MICAL3: variants seen among roughly 807,000 people sequenced by gnomAD.
The protein encoded by MICAL3 is [F-actin]-monooxygenase MICAL3.
A neutral mutation model predicts 207.4 loss-of-function variants in MICAL3; 62 were observed. The observed-to-expected ratio is 0.30, with a 90% CI of 0.24 to 0.37. The LOEUF (loss-of-function observed/expected upper bound fraction) is 0.37. Among genes scored for constraint, MICAL3 ranks in the 10% least tolerant of loss-of-function variants. The pLI is 1.00. For missense variants in MICAL3, 2,368 were observed against 2,635.6 expected (o/e 0.90, Z 2.22); for synonymous variants, 1,077 against 1,069.3 (o/e 1.01, Z -0.14).
At chr22:17,860,064 TG>T in intron 19 of MICAL3, 1 of 471,546 alleles carries the variant, frequency 2.1e-6, no homozygotes, top group East Asian at 1.5e-4. Flanking sequence ...TGAGCCACAG[TG>T]GCCTCAAGCT....
intron 1 of MICAL3, among the ~76,000 whole-genome samples, chr22:17,942,335 A>G (rs1329258887): frequency 6.6e-6 from 1 of 152,086 alleles, no homozygotes; most frequent in East Asian, 1.9e-4. Flanking sequence ...AGGTAAATGG[A>G]GCCCAGCCCC....
chr22:17,820,307 A>G (rs1270712126), intron 25 of MICAL3, among the ~76,000 whole-genome samples: 1 of 152,114 alleles, frequency 6.6e-6, no homozygotes, highest in Non-Finnish European at 1.5e-5. Flanking sequence ...TTGGCTTTGC[A>G]GCATTCTCCA....
At chr22:17,920,874 G>A (rs1009701404) in intron 1 of MICAL3, among the ~76,000 whole-genome samples, 3 of 152,032 alleles carry the variant, frequency 2.0e-5, no homozygotes, top group Admixed American at 6.5e-5. Flanking sequence ...TGGAAGCCCC[G>A]AGATTCCCAG....
chr22:17,805,020 C>T (rs767019433), intron 29 of MICAL3, among the ~76,000 whole-genome samples: 19 of 152,290 alleles, frequency 1.2e-4, no homozygotes, highest in Middle Eastern at 6.8e-3. Context: ...AAACGGAGAA[C>T]GGGATGGCAG....
intron 16 of MICAL3, among the ~76,000 whole-genome samples, chr22:17,872,518 T>G (rs998469060): frequency 1.3e-5 from 2 of 152,042 alleles, no homozygotes; most frequent in African/African-American, 2.4e-5. Context: ...GGTAGCTGTA[T>G]CTGTATCTAT....
chr22:17,841,521 T>C lies in MICAL3; in HGVS notation c.2801+301A>G, dbSNP rs1012652340. ...TGTGCCCGTCCTTCCCTCTGCTGAA[T>C]CTGTGAATAACCCGGGGGCAGAGCC... On this transcript the variant is annotated intron_variant, in intron 20 of 31. Transcript: ENST00000441493. This position sits in a 1 kb window ranked among gnomAD's most constrained non-coding sequence, Gnocchi z 4.2. 5.6e-6 allele frequency: 3 copies of C among 537,874 alleles called. No homozygotes were observed. The African/African-American group carries it at 5.6e-5, about 10-fold the overall frequency. The allele number at this position is 537,874 out of a possible 1,614,324, so 33.3% of individuals were successfully genotyped here. A position where few individuals can be genotyped will look rare whatever the true frequency, so the allele number is the denominator to read the frequency against.
At chr22:17,868,770 C>T (rs1487712176) in intron 17 of MICAL3, among the ~76,000 whole-genome samples, 1 of 152,126 alleles carries the variant, frequency 6.6e-6, no homozygotes, top group African/African-American at 2.4e-5. Context: ...TTCATTCATT[C>T]ATTCACCCAG....
chr22:17,979,742 C>A (rs1935820048), intron 1 of MICAL3, among the ~76,000 whole-genome samples: 1 of 151,518 alleles, frequency 6.6e-6, no homozygotes, highest in Non-Finnish European at 1.5e-5. Flanking sequence ...CTCTTCTCAA[C>A]TGGAGTGCTG....
At chr22:17,872,956 G>A (rs1165659615) in intron 16 of MICAL3, 14 of 789,164 alleles carry the variant, frequency 1.8e-5, no homozygotes, top group Non-Finnish European at 2.8e-5. Context: ...TCTTTGGGAA[G>A]TGCAATTTGA....
rs184208216 is a variant in MICAL3, at chr22:17,888,207, C to T, written c.1892-772G>A. The stretch of plus-strand genomic sequence containing the variant: ...TACCCCATTTTACAAGATAGGTTGA[C>T]GGAAAGTGAGACACAGGAAAATTGA... On this transcript the variant is annotated intron_variant, in intron 13 of 31. Coordinates refer to ENST00000441493, the MANE Select transcript of MICAL3 (RefSeq NM_015241.3). Among the ~76,000 whole-genome samples the T allele has an allele frequency of 1.3e-4, 20 of 152,214 alleles. No homozygotes were observed. In the East Asian group the frequency reaches 1.9e-3, roughly 15 times the overall value.
chr22:17,826,616 T>A, intron 22 of MICAL3: 2 of 535,434 alleles, frequency 3.7e-6, no homozygotes, highest in Non-Finnish European at 2.4e-6. Flanking sequence ...AGAAAGAAAG[T>A]GAGAAGGCAT....
intron 19 of MICAL3, chr22:17,862,362 C>T (rs1416000630): frequency 7.9e-6 from 5 of 630,996 alleles, no homozygotes; most frequent in Non-Finnish European, 9.9e-6. Flanking sequence ...TCACGCCATT[C>T]TCCTGCCTCA....
intron 17 of MICAL3, among the ~76,000 whole-genome samples, chr22:17,868,624 T>A (rs1439657479): frequency 6.6e-6 from 1 of 152,002 alleles, no homozygotes; most frequent in African/African-American, 2.4e-5. Flanking sequence ...AGCTATGAAT[T>A]GTGGGTGATT....
rs543276466 is a variant in MICAL3 at position 17,793,184 on chromosome 22, C to T, written c.5651-1883G>A. 2.0e-3 allele frequency among the ~76,000 whole-genome samples: 304 copies of T among 152,324 alleles called. 2 individuals are homozygous for T. Among genetic ancestry groups the T allele is most frequent in the African/African-American group, 7.0e-3 (291 of 41,590 alleles). The stretch of plus-strand genomic sequence containing the variant: ...AGGTAAGAGTTAGCAGGGTTAGTCA[C>T]GGCCACACCCCCCACATGCCTTTCA... On this transcript the variant is annotated intron_variant, in intron 29 of 31. Transcript: ENST00000441493. The surrounding 1 kb of genome is among the most constrained non-coding windows in gnomAD (Gnocchi z 4.1).
intron 1 of MICAL3, among the ~76,000 whole-genome samples, chr22:17,931,899 T>C (rs1407720698): frequency 2.0e-5 from 3 of 152,210 alleles, no homozygotes; most frequent in Non-Finnish European, 4.4e-5. Context: ...ATTTATTGAG[T>C]GCACAGTATA....
intron 29 of MICAL3, among the ~76,000 whole-genome samples, chr22:17,807,091 C>T (rs768173899): frequency 6.6e-6 from 1 of 152,228 alleles, no homozygotes; most frequent in African/African-American, 2.4e-5. Context: ...CCATGAAATG[C>T]GGTTATTCTG....
At position 17,818,617 on chromosome 22, in the gene MICAL3, C is replaced by G; in HGVS notation, c.4044G>C (p.Gly1348=). 1 of 1,613,604 alleles carries G rather than the reference C, an allele frequency of 6.2e-7. No homozygotes were observed. The highest frequency in any genetic ancestry group is 1.6e-4 in the Middle Eastern group (1 of 6,062). ...CAGGCGTGGGGAAGCTGGGCTCGGG[C>G]CCCTTGCTGCGGTCCACAGGTGTGA... ...LGLTPVDRSK[G]PEPSFPTPAF... The change falls in exon 26 of 32, where the codon GGG becomes GGC. Residue 1348 remains glycine (G), a synonymous_variant. Transcript: ENST00000441493.
chr22:17,990,507 G>A lies in MICAL3; in HGVS notation c.-75+33774C>T, dbSNP rs549789948. ...AAATGCTTGTGACCATACAAGGTGA[G>A]TAGGACTGTTACGCCCTTCATTGCA... On this transcript the variant is annotated intron_variant, in intron 1 of 31. Coordinates refer to ENST00000441493, the MANE Select transcript of MICAL3 (RefSeq NM_015241.3). Among the ~76,000 whole-genome samples, 31 of 152,314 alleles carry A rather than the reference G, an allele frequency of 2.0e-4. No homozygotes were observed. In the East Asian group the frequency reaches 5.4e-3, roughly 27 times the overall value.
At chr22:17,876,703 T>TGGAGGTTAG (rs1338088035) in intron 16 of MICAL3, 5 of 149,774 alleles carry the variant, frequency 3.3e-5, no homozygotes, top group South Asian at 2.1e-4. Context: ...TGCAGGGTTA[T>TGGAGGTTAG]GGAGGTTAGG....
Sources: gnomAD v4.1 joint callset for allele counts (sites outside exome capture counted in the v4.1 genomes callset) on GRCh38, gnomAD v4.1.1 for gene constraint, Gnocchi (gnomAD v3.1) non-coding constraint, MANE v1.5 for transcripts, NCBI Gene and HGNC (gene_info 2026-07-23, HGNC 2026-07-21) for gene names.